Variants in DLC1 observed in about 807,000 individuals in gnomAD.
DLC1 encodes DLC1 Rho GTPase activating protein.
DLC1 carries 54 observed loss-of-function variants against 140.3 expected under a neutral mutation model. The observed-to-expected ratio is 0.38, with a 90% CI of 0.31 to 0.48. The LOEUF (loss-of-function observed/expected upper bound fraction) is 0.48. DLC1 is among the 20% of genes least tolerant of loss of function. The pLI, the probability that DLC1 is intolerant of heterozygous loss-of-function variation, is 0.96. For synonymous variants in DLC1, 986 were observed against 728.1 expected (o/e 1.35, Z -5.70); for missense variants, 2,536 against 1,907.0 (o/e 1.33, Z -6.14).
At chr8:13,484,585 G>A (rs952553589) in intron 2 of DLC1, among the ~76,000 whole-genome samples, 2 of 152,036 alleles carry the variant, frequency 1.3e-5, no homozygotes, top group Non-Finnish European at 2.9e-5. Flanking sequence ...GAACACGAGT[G>A]ATGGCTATTG....
chr8:13,423,692 T>C (rs950688309), intron 2 of DLC1, among the ~76,000 whole-genome samples: 2 of 152,208 alleles, frequency 1.3e-5, no homozygotes, highest in Admixed American at 6.5e-5. Flanking sequence ...AAAATTCTTA[T>C]TTACATTTTA....
chr8:13,556,831 A>G (rs1160300816), intron 1 of DLC1, among the ~76,000 whole-genome samples: 2 of 152,222 alleles, frequency 1.3e-5, no homozygotes, highest in Non-Finnish European at 2.9e-5. Context: ...TTGCTAGACT[A>G]TCAAATGCAT....
chr8:13,235,366 A>C (rs1249869711), intron 5 of DLC1, among the ~76,000 whole-genome samples: 1 of 152,064 alleles, frequency 6.6e-6, no homozygotes, highest in African/African-American at 2.4e-5. Context: ...AAATTCAGGA[A>C]ATACAAGGAA....
At chr8:13,128,301 G>C (rs1001022954) in intron 5 of DLC1, among the ~76,000 whole-genome samples, 57 of 152,204 alleles carry the variant, frequency 3.7e-4, no homozygotes, top group African/African-American at 1.3e-3. Flanking sequence ...ACGCGGGCCA[G>C]AGTTTTAGAA....
chr8:13,117,845 G>C (rs1820697102), intron 5 of DLC1, among the ~76,000 whole-genome samples: 2 of 152,178 alleles, frequency 1.3e-5, no homozygotes, highest in South Asian at 4.1e-4. Flanking sequence ...GCTTTACTAA[G>C]AGAAATAGTT....
chr8:13,387,470 T>C (rs1358133742), intron 4 of DLC1, among the ~76,000 whole-genome samples: 1 of 151,088 alleles, frequency 6.6e-6, no homozygotes, highest in Non-Finnish European at 1.5e-5. Flanking sequence ...TTTAAAATGA[T>C]GTGAAAGGTA....
chr8:13,277,894 C>T (rs1373448100), intron 5 of DLC1, among the ~76,000 whole-genome samples: 1 of 152,256 alleles, frequency 6.6e-6, no homozygotes, highest in East Asian at 1.9e-4. Context: ...TCATTTTCAA[C>T]CCACACTGAT....
chr8:13,355,036 G>T (rs1274865270), intron 4 of DLC1, among the ~76,000 whole-genome samples: 4 of 151,582 alleles, frequency 2.6e-5, no homozygotes, highest in Non-Finnish European at 5.9e-5. Context: ...AAACATTATT[G>T]GGAGAGTTAT....
At chr8:13,217,875 A>G (rs944294644) in intron 5 of DLC1, among the ~76,000 whole-genome samples, 2 of 151,902 alleles carry the variant, frequency 1.3e-5, no homozygotes, top group African/African-American at 2.4e-5. Flanking sequence ...CAACCAACTA[A>G]AAGTTGTTCT....
intron 5 of DLC1, among the ~76,000 whole-genome samples, chr8:13,238,468 A>G (rs1829393580): frequency 6.6e-6 from 1 of 151,900 alleles, no homozygotes; most frequent in Admixed American, 6.6e-5. Context: ...AGCCACGTTC[A>G]CGCCACTGCA....
intron 5 of DLC1, among the ~76,000 whole-genome samples, chr8:13,141,561 T>G (rs865899575): frequency 1.3e-5 from 2 of 152,174 alleles, no homozygotes; most frequent in African/African-American, 4.8e-5. Flanking sequence ...AACTGTATGT[T>G]GCTCTTTCTT....
chr8:13,566,349 C>T lies in DLC1; in HGVS notation c.-126+38188G>A, dbSNP rs187421641. Among the ~76,000 whole-genome samples the T allele has an allele frequency of 7.0e-4, 106 of 151,314 alleles. 1 individual carries two copies. The highest frequency in any genetic ancestry group is 3.4e-3 in the Middle Eastern group (1 of 294). Reference sequence around the variant, plus strand: ...GATTTGGAAAATTAAGGTCCTCCCCCGCCCCTGCTCCCCACCCCCGACCCC... The same window carrying T: ...GATTTGGAAAATTAAGGTCCTCCCCTGCCCCTGCTCCCCACCCCCGACCCC... On this transcript the variant is annotated intron_variant, in intron 1 of 1. Transcript: ENST00000631382.
At chr8:13,195,867 G>C (rs151284716) in intron 5 of DLC1, among the ~76,000 whole-genome samples, 12 of 151,604 alleles carry the variant, frequency 7.9e-5, no homozygotes, top group Non-Finnish European at 1.8e-4. Flanking sequence ...ATGAGCAAGG[G>C]GTCATTATAG....
intron 4 of DLC1, among the ~76,000 whole-genome samples, chr8:13,363,728 T>C (rs1835352021): frequency 1.3e-5 from 2 of 152,262 alleles, no homozygotes; most frequent in African/African-American, 4.8e-5. Flanking sequence ...TTATTTTCCA[T>C]TGTAGGTCCA....
chr8:13,219,362 A>G (rs1167566673), intron 5 of DLC1, among the ~76,000 whole-genome samples: 1 of 140,902 alleles, frequency 7.1e-6, no homozygotes, highest in African/African-American at 2.6e-5. Context: ...TAGTTATATA[A>G]TTCATATACT....
chr8:13,549,684 T>C (rs576072635), intron 1 of DLC1, among the ~76,000 whole-genome samples: 3 of 152,260 alleles, frequency 2.0e-5, no homozygotes, highest in Admixed American at 2.0e-4. Flanking sequence ...TTGATTGAAA[T>C]AGGCCTGCCT....
intron 5 of DLC1, among the ~76,000 whole-genome samples, chr8:13,165,465 T>A (rs1379926326): frequency 6.6e-6 from 1 of 152,200 alleles, no homozygotes; most frequent in South Asian, 2.1e-4. Context: ...GAGCTTCACA[T>A]AAAGTGCTCC....
At chr8:13,408,090 G>C (rs1242929855) in intron 2 of DLC1, among the ~76,000 whole-genome samples, 2 of 152,142 alleles carry the variant, frequency 1.3e-5, no homozygotes, top group Non-Finnish European at 2.9e-5. Context: ...AGTTAAATAA[G>C]TCAGTCTTAA....
At chr8:13,487,840 G>A (rs552648976) in intron 2 of DLC1, among the ~76,000 whole-genome samples, 1 of 152,066 alleles carries the variant, frequency 6.6e-6, no homozygotes, top group Non-Finnish European at 1.5e-5. Context: ...CAAAGTGCTG[G>A]GATTACAGGC....
Sources: gnomAD v4.1 joint callset for allele counts (sites outside exome capture counted in the v4.1 genomes callset) on GRCh38, gnomAD v4.1.1 for gene constraint, MANE v1.5 for transcripts, NCBI Gene and HGNC (gene_info 2026-07-23, HGNC 2026-07-21) for gene names.